The following YEATS2 variants were observed in gnomAD, a reference collection of about 807,000 sequenced individuals.
YEATS2 encodes the protein YEATS domain containing 2, also known as YEATS domain-containing protein 2.
In YEATS2, 77 loss-of-function variants were observed where a neutral mutation model predicts 163.2. That is an observed-to-expected ratio of 0.47 (90% CI 0.39 to 0.57). The LOEUF (loss-of-function observed/expected upper bound fraction) is 0.57. Among genes scored for constraint, YEATS2 ranks in the 20% least tolerant of loss-of-function variants. The probability of loss-of-function intolerance (pLI) is 0.00; values close to 1 mark genes in which losing one functional copy is unlikely to be tolerated. For missense variants in YEATS2, 1,549 were observed against 1,729.8 expected (o/e 0.90, Z 1.85); for synonymous variants, 631 against 645.1 (o/e 0.98, Z 0.33).
Position 183,798,000 on chromosome 3 carries a change from A to G in YEATS2, c.3175A>G (p.Ser1059Gly), listed in dbSNP as rs1725320240. Residue 1059 changes from serine (S) to glycine (G), a missense_variant, in exon 22 of 31, where the codon AGC becomes GGC. By Grantham distance (56) the Ser-to-Gly change is moderately conservative. Coordinates refer to ENST00000305135, the MANE Select transcript of YEATS2 (RefSeq NM_018023.5). ...GATTCCCAGCCAGCTCAAACCACTC[A>G]GCGTAAACACATCTGGAGGGGTGCA... Reference protein sequence around the residue: ...LTIPSQLKPLSVNTSGGVQTI... With the variant: ...LTIPSQLKPLGVNTSGGVQTI... 6.2e-7 allele frequency: 1 copy of G among 1,614,134 alleles called. No individual in the cohort carries two copies. The highest frequency in any genetic ancestry group is 8.5e-7 in the Non-Finnish European group (1 of 1,179,990).
At chr3:183,715,931 T>G (rs1379330751) in intron 2 of YEATS2, among the ~76,000 whole-genome samples, 1 of 152,208 alleles carries the variant, frequency 6.6e-6, no homozygotes, top group East Asian at 1.9e-4. Context: ...TTAAGCAAGC[T>G]TAAAAAAATT....
chr3:183,800,867 A>C (rs775647496), intron 24 of YEATS2: 2 of 288,750 alleles, frequency 6.9e-6, no homozygotes, highest in Non-Finnish European at 1.3e-5. Context: ...GTAGGCACAA[A>C]ATTTCTCCTG....
intron 1 of YEATS2, among the ~76,000 whole-genome samples, chr3:183,705,019 G>GAT (rs993129660): frequency 6.6e-6 from 1 of 151,940 alleles, no homozygotes; most frequent in Non-Finnish European, 1.5e-5. Flanking sequence ...TTAATTACCA[G>GAT]ATATATATCT....
At chr3:183,717,580 T>C in intron 2 of YEATS2, 71 bp from the exon 3 acceptor site, 1 of 1,159,720 alleles carries the variant, frequency 8.6e-7, no homozygotes, top group Non-Finnish European at 1.2e-6. Context: ...TTTCTTTTGT[T>C]GCTTGCTGAC....
At chr3:183,784,797 G>A (rs1723899864) in intron 19 of YEATS2, among the ~76,000 whole-genome samples, 1 of 151,060 alleles carries the variant, frequency 6.6e-6, no homozygotes, top group South Asian at 2.1e-4. Context: ...AAAAAAGCCG[G>A]GTGTGGTGGG....
Position 183,750,804 on chromosome 3 carries a change from G to A in YEATS2, c.970-1269G>A, listed in dbSNP as rs149767994. On this transcript the variant is annotated intron_variant, in intron 9 of 30. Transcript: ENST00000305135. ...TAAATTAGGTGGTTTGGTTTTTGTTGTTGCTAAGTGACAGGAGTTATTCAT... is the reference window on the plus strand; with the variant it reads ...TAAATTAGGTGGTTTGGTTTTTGTTATTGCTAAGTGACAGGAGTTATTCAT... Among the ~76,000 whole-genome samples the A allele has an allele frequency of 8.1e-4, 124 of 152,244 alleles. 3 individuals carry two copies. In the East Asian group the frequency reaches 0.023, roughly 29 times the overall value.
intron 23 of YEATS2, among the ~76,000 whole-genome samples, chr3:183,799,886 G>A (rs1725504303): frequency 6.9e-6 from 1 of 145,592 alleles, no homozygotes. Context: ...AGGCTGGAGT[G>A]CAGTGGCACA....
intron 1 of YEATS2, among the ~76,000 whole-genome samples, chr3:183,699,871 G>C (rs773565145): frequency 5.3e-5 from 8 of 152,188 alleles, no homozygotes; most frequent in Non-Finnish European, 8.8e-5. Flanking sequence ...GTGGTTATTG[G>C]TTTTGGTCAT....
At chr3:183,786,383 C>T in intron 20 of YEATS2, 82 bp downstream of exon 20, 20 of 1,339,508 alleles carry the variant, frequency 1.5e-5, no homozygotes, top group Non-Finnish European at 1.7e-5. Flanking sequence ...GCAGGCACAC[C>T]AGTGGACCTT....
At chr3:183,717,595 A>G (rs766190072) in intron 2 of YEATS2, 56 bp from the exon 3 acceptor site, 9 of 1,304,968 alleles carry the variant, frequency 6.9e-6, no homozygotes, top group Non-Finnish European at 9.5e-6. Flanking sequence ...GCTGACTTAA[A>G]TAAAGACAGT....
chr3:183,804,947 C>A (rs997234611), intron 27 of YEATS2, among the ~76,000 whole-genome samples: 1 of 151,754 alleles, frequency 6.6e-6, no homozygotes, highest in Non-Finnish European at 1.5e-5. Flanking sequence ...CGAGATTGCA[C>A]CAGTGCACTC....
chr3:183,764,142 C>T (rs576731506), intron 15 of YEATS2, among the ~76,000 whole-genome samples: 5 of 152,112 alleles, frequency 3.3e-5, no homozygotes, highest in South Asian at 2.1e-4. Flanking sequence ...GAGGCTGAGG[C>T]GTGCGTTATC....
In YEATS2 at chr3:183,761,631, G is replaced by A. The variant is rs1164143213; in HGVS notation, c.1764+17G>A. 1 of 1,604,066 alleles carries A rather than the reference G, an allele frequency of 6.2e-7. No individual in the cohort carries two copies. The highest frequency in any genetic ancestry group is 1.3e-5 in the African/African-American group (1 of 74,852). The stretch of plus-strand genomic sequence containing the variant: ...TTCACAAAAGTGAGTATGTATTAGG[G>A]CATTGTCCCACAAGTCATAATACTT... On this transcript the variant is annotated intron_variant, in intron 14 of 30. Coordinates refer to ENST00000305135, the MANE Select transcript of YEATS2 (RefSeq NM_018023.5).
chr3:183,762,173 A>T lies in YEATS2; in HGVS notation c.1841A>T (p.Gln614Leu). The T allele has an allele frequency of 1.9e-6, 3 of 1,614,176 alleles. No homozygotes were observed. The highest frequency in any genetic ancestry group is 2.5e-6 in the Non-Finnish European group (3 of 1,180,030). Reference sequence around the variant, plus strand: ...GCTGCCAGCCAGTCACCACTCCCGCAGTATGTGACTGTGAAAGGGGGTCAC... The same window carrying T: ...GCTGCCAGCCAGTCACCACTCCCGCTGTATGTGACTGTGAAAGGGGGTCAC... The part of the protein sequence containing the change: ...TGAASQSPLP[Q>L]YVTVKGGHMI... Residue 614 changes from glutamine (Q) to leucine (L), a missense_variant, in exon 15 of 31, where the codon CAG becomes CTG. Transcript: ENST00000305135.
intron 19 of YEATS2, among the ~76,000 whole-genome samples, chr3:183,782,209 A>T (rs1560309308): frequency 2.0e-5 from 3 of 152,040 alleles, no homozygotes; most frequent in Admixed American, 6.6e-5. Flanking sequence ...TCCCGGGTTC[A>T]AGCGATTCTC....
intron 5 of YEATS2, among the ~76,000 whole-genome samples, chr3:183,724,108 A>G (rs190495885): frequency 3.3e-5 from 5 of 152,144 alleles, no homozygotes; most frequent in African/African-American, 1.2e-4. Flanking sequence ...CTCTCTTTCT[A>G]TTCCTGTTTC....
chr3:183,804,168 C>T lies in YEATS2; in HGVS notation c.3764C>T (p.Thr1255Ile), dbSNP rs769773137. The stretch of plus-strand genomic sequence containing the variant: ...GGGGACTCCATCGAGGACGTGCTGA[C>T]CCAGATCGACAGCGAGCCCGGTAAG... ...NDGDSIEDVLTQIDSEPECPS... is the reference protein window; with the variant it reads ...NDGDSIEDVLIQIDSEPECPS... Residue 1255 changes from threonine (T) to isoleucine (I), a missense_variant, in exon 27 of 31, where the codon ACC (threonine) becomes ATC (isoleucine). By Grantham distance (89) the Thr-to-Ile change is moderately conservative. Coordinates refer to ENST00000305135, the MANE Select transcript of YEATS2 (RefSeq NM_018023.5). 8.1e-6 allele frequency: 13 copies of T among 1,614,030 alleles called. No homozygotes were observed. The highest frequency in any genetic ancestry group is 1.1e-5 in the Non-Finnish European group (13 of 1,180,030).
intron 10 of YEATS2, among the ~76,000 whole-genome samples, chr3:183,753,382 A>G (rs189984445): frequency 2.6e-5 from 4 of 152,328 alleles, no homozygotes; most frequent in African/African-American, 9.6e-5. Flanking sequence ...TTAGTATTAT[A>G]GTTCTTTTAT....
At position 183,777,638 on chromosome 3, in the gene YEATS2, T is replaced by C. The variant is rs1723124849; in HGVS notation, c.2674T>C (p.Ser892Pro). 2 of 1,614,146 alleles carry C rather than the reference T, an allele frequency of 1.2e-6. No homozygotes were observed. The highest frequency in any genetic ancestry group is 1.7e-6 in the Non-Finnish European group (2 of 1,180,024). Residue 892 changes from serine (S) to proline (P), a missense_variant, in exon 19 of 31, where the codon TCT (serine) becomes CCT (proline). Physicochemically the swap from Ser to Pro is moderately conservative, Grantham distance 74 (BLOSUM62 -1). Transcript: ENST00000305135. ...AGGAACACTGGGAGTCAGCACATCT[T>C]CTGCACAAGGACAACAAACGCTAAA... ...VQGTLGVSTS[S>P]AQGQQTLKVI...
Sources: allele counts gnomAD v4.1 joint callset (sites outside exome capture counted in the v4.1 genomes callset), GRCh38; gene constraint gnomAD v4.1.1; transcripts MANE v1.5; gene names NCBI Gene and HGNC (gene_info 2026-07-23, HGNC 2026-07-21).